The following ARHGAP8 variants were observed in gnomAD, a reference collection of about 807,000 sequenced individuals.
ARHGAP8 encodes rho GTPase-activating protein 8.
Under a neutral mutation model 46.1 loss-of-function variants are expected in ARHGAP8, and 62 were observed. The observed-to-expected ratio is 1.34, with a 90% CI of 1.10 to 1.66. ARHGAP8 has a LOEUF of 1.66. Ranked by LOEUF, ARHGAP8 falls within the 40% of genes most tolerant of loss-of-function variation. The pLI, the probability that ARHGAP8 is intolerant of heterozygous loss-of-function variation, is 0.00. For synonymous variants in ARHGAP8, 375 were observed against 243.1 expected (o/e 1.54, Z -5.05); for missense variants, 923 against 568.4 (o/e 1.62, Z -6.34).
intron 10 of ARHGAP8, among the ~76,000 whole-genome samples, chr22:44,859,360 A>C (rs1226069521): frequency 3.3e-5 from 5 of 151,700 alleles, no homozygotes; most frequent in Non-Finnish European, 5.9e-5. Context: ...CCTCTGTCCC[A>C]CTCTCTCTTG....
intron 2 of ARHGAP8, among the ~76,000 whole-genome samples, chr22:44,799,068 C>G (rs1316034367): frequency 1.3e-5 from 2 of 152,244 alleles, no homozygotes; most frequent in Admixed American, 1.3e-4. Flanking sequence ...CCCCAGCCCC[C>G]ACCTGGGGGG....
At chr22:44,842,250 G>A (rs921130427) in intron 7 of ARHGAP8, among the ~76,000 whole-genome samples, 13 of 152,116 alleles carry the variant, frequency 8.5e-5, no homozygotes, top group Non-Finnish European at 1.5e-4. Context: ...CCAGCTACTC[G>A]GGAGGCTGAG....
intron 2 of ARHGAP8, among the ~76,000 whole-genome samples, chr22:44,790,280 G>A (rs943853681): frequency 8.5e-5 from 13 of 152,062 alleles, no homozygotes; most frequent in Non-Finnish European, 1.5e-4. Flanking sequence ...TTTTAAAAAC[G>A]TCCAGCTGGT....
At chr22:44,755,694 T>A (rs1038647228) in intron 1 of ARHGAP8, among the ~76,000 whole-genome samples, 4 of 152,316 alleles carry the variant, frequency 2.6e-5, no homozygotes, top group Non-Finnish European at 5.9e-5. Context: ...TGAGTGACTC[T>A]CTCTCCAAGT....
chr22:44,790,698 A>AAG (rs1212382121), intron 2 of ARHGAP8, among the ~76,000 whole-genome samples: 7 of 142,286 alleles, frequency 4.9e-5, no homozygotes, highest in African/African-American at 1.9e-4. Context: ...AAAAAAAAAA[A>AAG]AGAGAAGGGG....
At chr22:44,860,422 C>G (rs144444885) in intron 11 of ARHGAP8, among the ~76,000 whole-genome samples, 10 of 152,112 alleles carry the variant, frequency 6.6e-5, no homozygotes, top group South Asian at 4.1e-4. Flanking sequence ...CCAGCTCCCC[C>G]CTGGCCTTTG....
intron 10 of ARHGAP8, among the ~76,000 whole-genome samples, chr22:44,858,546 TTTTTTA>T (rs1191505613): frequency 2.0e-4 from 27 of 136,280 alleles, no homozygotes; most frequent in East Asian, 1.6e-3. Flanking sequence ...TTTTTTTTTT[TTTTTTA>T]AGTAACAGGG....
In ARHGAP8 at chr22:44,830,024, C is replaced by CTTTT. The variant is rs386395573; in HGVS notation, c.596+4441_596+4444dup. Among the ~76,000 whole-genome samples the CTTTT allele has an allele frequency of 2.8e-4, 40 of 142,582 alleles. No homozygotes were observed. The East Asian group carries it at 3.1e-3, about 11-fold the overall frequency. 93.5% of individuals were successfully genotyped at this position (142,582 alleles called of 152,430 possible). On this transcript the variant is annotated intron_variant, in intron 7 of 11. Coordinates refer to ENST00000356099, the MANE Select transcript of ARHGAP8 (RefSeq NM_181335.3). ...GCATTTTCTTTTTTTTCCTCTCTCT[C>CTTTT]TTTTTTTTTTTTTCCCTGAGATGGC...
intron 1 of ARHGAP8, among the ~76,000 whole-genome samples, chr22:44,777,800 G>A (rs1344022026): frequency 2.0e-5 from 3 of 151,960 alleles, no homozygotes; most frequent in Admixed American, 1.3e-4. Context: ...GGCTCAAGCG[G>A]TTCTCCTGCC....
intron 7 of ARHGAP8, among the ~76,000 whole-genome samples, chr22:44,839,832 C>T (rs1416999353): frequency 6.6e-6 from 1 of 152,218 alleles, no homozygotes; most frequent in Non-Finnish European, 1.5e-5. Flanking sequence ...ACAGCAACCA[C>T]GTCACACTTC....
At chr22:44,768,024 G>C in intron 1 of ARHGAP8, among the ~76,000 whole-genome samples, 1 of 60,056 alleles carries the variant, frequency 1.7e-5, no homozygotes, top group African/African-American at 5.7e-5. Flanking sequence ...TTGTGAGACA[G>C]AGTCTTGCTC....
At chr22:44,843,740 G>A (rs1218411502) in intron 7 of ARHGAP8, among the ~76,000 whole-genome samples, 1 of 150,014 alleles carries the variant, frequency 6.7e-6, no homozygotes, top group Non-Finnish European at 1.5e-5. Flanking sequence ...TGAAAGTATT[G>A]CTTGAGCCCA....
In ARHGAP8 at chr22:44,808,355, C is replaced by T. The variant is rs141907499; in HGVS notation, c.216C>T (p.Ile72=). 9 of 1,614,138 alleles carry T rather than the reference C, an allele frequency of 5.6e-6. No homozygotes were observed. The highest frequency in any genetic ancestry group is 7.6e-6 in the Non-Finnish European group (9 of 1,180,054). ...LDQYVENDYT[I]VYFHYGLNSR... is the part of the protein sequence containing the mutation. ...AATACGTTGAGAACGATTATACCAT[C>T]GTCTATTTCCACTACGGGCTGAACA... is the stretch of plus-strand genomic sequence containing the variant. Residue 72 remains isoleucine (I), a synonymous_variant, in exon 4 of 12, where the codon ATC becomes ATT. Coordinates refer to ENST00000356099, the MANE Select transcript of ARHGAP8 (RefSeq NM_181335.3).
At chr22:44,816,989 G>A (rs183380495) in intron 5 of ARHGAP8, among the ~76,000 whole-genome samples, 1 of 150,826 alleles carries the variant, frequency 6.6e-6, no homozygotes, top group African/African-American at 2.4e-5. Flanking sequence ...GGGTTCAAGC[G>A]ATTCTCCTGC....
At chr22:44,839,674 C>G (rs773799636) in intron 7 of ARHGAP8, among the ~76,000 whole-genome samples, 5 of 152,130 alleles carry the variant, frequency 3.3e-5, no homozygotes, top group African/African-American at 1.2e-4. Context: ...GCTCATGAAA[C>G]GATGGTGGAA....
chr22:44,794,019 G>A (rs1927898057), intron 2 of ARHGAP8, among the ~76,000 whole-genome samples: 1 of 152,242 alleles, frequency 6.6e-6, no homozygotes, highest in Admixed American at 6.5e-5. Flanking sequence ...TGCGGGGCAT[G>A]CGCAGGGCAG....
intron 2 of ARHGAP8, among the ~76,000 whole-genome samples, chr22:44,793,428 G>A (rs539005671): frequency 3.3e-5 from 5 of 152,278 alleles, no homozygotes; most frequent in African/African-American, 1.2e-4. Flanking sequence ...CGGATCTTTT[G>A]GCACACAACC....
chr22:44,859,407 T>C (rs9614954), intron 10 of ARHGAP8, among the ~76,000 whole-genome samples: 17,176 of 152,248 alleles, frequency 0.11, 1,063 homozygotes, highest in Non-Finnish European at 0.13. Context: ...TCCTTCCTTT[T>C]TGCCTTCTGC....
chr22:44,836,363 G>A (rs757865238), intron 7 of ARHGAP8, among the ~76,000 whole-genome samples: 1 of 151,846 alleles, frequency 6.6e-6, no homozygotes, highest in Non-Finnish European at 1.5e-5. Flanking sequence ...CACACTGCTT[G>A]TCTTTTGAAC....
Sources: gnomAD v4.1 joint callset for allele counts (sites outside exome capture counted in the v4.1 genomes callset) on GRCh38, gnomAD v4.1.1 for gene constraint, MANE v1.5 for transcripts, NCBI Gene and HGNC (gene_info 2026-07-23, HGNC 2026-07-21) for gene names.